Variants in CTNND2 observed in about 807,000 individuals in gnomAD.
CTNND2 encodes the protein catenin delta-2.
In CTNND2, 22 loss-of-function variants were observed where a neutral mutation model predicts 144.4. The observed-to-expected ratio is 0.15, with a 90% CI of 0.11 to 0.22. The LOEUF is 0.22. Ranked by LOEUF, CTNND2 falls within the 10% of genes least tolerant of loss-of-function variation. CTNND2 has a pLI of 1.00. For synonymous variants in CTNND2, 751 were observed against 695.6 expected (o/e 1.08, Z -1.25); for missense variants, 1,353 against 1,618.8 (o/e 0.84, Z 2.82).
chr5:11,506,479 G>A (rs1029856264), intron 3 of CTNND2, among the ~76,000 whole-genome samples: 1 of 152,172 alleles, frequency 6.6e-6, no homozygotes, highest in Non-Finnish European at 1.5e-5. Flanking sequence ...AGTCTGGAGA[G>A]GACAGCATGA....
intron 1 of CTNND2, among the ~76,000 whole-genome samples, chr5:11,799,348 C>A (rs1435360113): frequency 1.3e-5 from 2 of 152,082 alleles, no homozygotes; most frequent in African/African-American, 2.4e-5. Context: ...CTGCTTTCTT[C>A]CTTTTTATCT....
chr5:11,418,116 G>A (rs947005696), intron 3 of CTNND2, among the ~76,000 whole-genome samples: 1 of 151,912 alleles, frequency 6.6e-6, no homozygotes, highest in African/African-American at 2.4e-5. Flanking sequence ...TTTGAAAAGA[G>A]CTCTTTTGGG....
intron 3 of CTNND2, among the ~76,000 whole-genome samples, chr5:11,525,281 C>G (rs1554076828): frequency 6.6e-6 from 1 of 152,150 alleles, no homozygotes; most frequent in Admixed American, 6.6e-5. Context: ...GAAACCGCCT[C>G]TTTGTGTAGT....
At chr5:11,630,380 G>A (rs572595719) in intron 2 of CTNND2, among the ~76,000 whole-genome samples, 10 of 152,242 alleles carry the variant, frequency 6.6e-5, no homozygotes, top group Middle Eastern at 3.4e-3. Flanking sequence ...ACTAGCTTCC[G>A]GAGGGACTGA....
At chr5:11,743,550 T>C (rs890398297) in intron 1 of CTNND2, among the ~76,000 whole-genome samples, 3 of 152,122 alleles carry the variant, frequency 2.0e-5, no homozygotes, top group Non-Finnish European at 1.5e-5. Flanking sequence ...GAGAAGATCA[T>C]GCAAGGATGG....
chr5:11,583,629 A>G (rs1192636575), intron 2 of CTNND2, among the ~76,000 whole-genome samples: 1 of 152,242 alleles, frequency 6.6e-6, no homozygotes, highest in African/African-American at 2.4e-5. Context: ...ATTATGGGTA[A>G]ATAATCAAGA....
chr5:11,191,291 T>G (rs1284476031), intron 11 of CTNND2, among the ~76,000 whole-genome samples: 1 of 152,182 alleles, frequency 6.6e-6, no homozygotes, highest in Non-Finnish European at 1.5e-5. Flanking sequence ...AAATCACTGT[T>G]GCCCCATAGG....
intron 9 of CTNND2, among the ~76,000 whole-genome samples, chr5:11,284,098 A>G (rs364976): frequency 0.35 from 52,622 of 151,812 alleles, 9,192 homozygotes; most frequent in Middle Eastern, 0.44. Flanking sequence ...GCTCCTCTCT[A>G]TTAGGAGAAT....
chr5:11,568,689 T>C (rs1299099283), intron 2 of CTNND2, among the ~76,000 whole-genome samples: 1 of 152,300 alleles, frequency 6.6e-6, no homozygotes, highest in African/African-American at 2.4e-5. Flanking sequence ...TCTTTTGCAC[T>C]GGAGGATACT....
intron 3 of CTNND2, among the ~76,000 whole-genome samples, chr5:11,510,038 CCACCCTCCT>C (rs1338938661): frequency 6.6e-6 from 1 of 152,120 alleles, no homozygotes; most frequent in African/African-American, 2.4e-5. Flanking sequence ...CTCAAGCGAT[CCACCCTCCT>C]CAGCCTCCGA....
At chr5:11,640,359 A>T (rs1781937901) in intron 2 of CTNND2, among the ~76,000 whole-genome samples, 1 of 152,234 alleles carries the variant, frequency 6.6e-6, no homozygotes, top group African/African-American at 2.4e-5. Flanking sequence ...AATGAATAGA[A>T]TCGCCTTGGT....
chr5:11,502,400 G>A (rs554401036), intron 3 of CTNND2, among the ~76,000 whole-genome samples: 1 of 152,280 alleles, frequency 6.6e-6, no homozygotes, highest in African/African-American at 2.4e-5. Context: ...CTTACGATTT[G>A]TACCTGCTGA....
intron 2 of CTNND2, among the ~76,000 whole-genome samples, chr5:11,670,327 C>G (rs1329980715): frequency 1.3e-5 from 2 of 152,160 alleles, no homozygotes; most frequent in Non-Finnish European, 2.9e-5. Flanking sequence ...TCTCATTGAT[C>G]TGTCCAATAC....
intron 2 of CTNND2, among the ~76,000 whole-genome samples, chr5:11,574,876 T>C (rs1777856934): frequency 6.6e-6 from 1 of 152,208 alleles, no homozygotes; most frequent in Admixed American, 6.5e-5. Context: ...AATCGATGAC[T>C]TGCATTTCCT....
At chr5:11,286,930 A>G (rs1747817112) in intron 9 of CTNND2, among the ~76,000 whole-genome samples, 1 of 152,250 alleles carries the variant, frequency 6.6e-6, no homozygotes, top group South Asian at 2.1e-4. Flanking sequence ...GTAAGCATCC[A>G]TCAATCAGAG....
chr5:11,546,373 C>G (rs563332923), intron 3 of CTNND2, among the ~76,000 whole-genome samples: 1 of 151,924 alleles, frequency 6.6e-6, no homozygotes, highest in South Asian at 2.1e-4. Context: ...AGGTTGTCTG[C>G]TCTCCCCCAT....
At chr5:11,005,200 A>C (rs1171362981) in intron 18 of CTNND2, among the ~76,000 whole-genome samples, 1 of 152,236 alleles carries the variant, frequency 6.6e-6, no homozygotes, top group Non-Finnish European at 1.5e-5. Context: ...AGGCAATGCC[A>C]AGGCTCTGAG....
intron 16 of CTNND2, among the ~76,000 whole-genome samples, chr5:11,031,693 A>T (rs1204991689): frequency 6.6e-6 from 1 of 152,186 alleles, no homozygotes; most frequent in Non-Finnish European, 1.5e-5. Flanking sequence ...GGCACCATCC[A>T]GTCGGCTGCC....
chr5:11,408,250 C>A (rs1209879085), intron 5 of CTNND2, among the ~76,000 whole-genome samples: 1 of 152,034 alleles, frequency 6.6e-6, no homozygotes, highest in Admixed American at 6.6e-5. Flanking sequence ...TCATCTGGAA[C>A]CTAACTAATA....
Sources: gnomAD v4.1 joint callset for allele counts (sites outside exome capture counted in the v4.1 genomes callset) on GRCh38, gnomAD v4.1.1 for gene constraint, MANE v1.5 for transcripts, NCBI Gene and HGNC (gene_info 2026-07-23, HGNC 2026-07-21) for gene names.